The following CLEC9A variants were observed in gnomAD, a reference collection of about 807,000 sequenced individuals.
CLEC9A encodes C-type lectin domain family 9 member A.
In CLEC9A, 24 loss-of-function variants were observed where a neutral mutation model predicts 30.0. That is an observed-to-expected ratio of 0.80 (90% CI 0.58 to 1.13). CLEC9A has a LOEUF of 1.13. Among genes scored for constraint, CLEC9A ranks in the 50% most tolerant of loss-of-function variants. The pLI is 0.00. For missense variants in CLEC9A, 251 were observed against 280.9 expected (o/e 0.89, Z 0.76); for synonymous variants, 111 against 96.8 (o/e 1.15, Z -0.86).
chr12:10,050,113 G>C (rs546865418), intron 2 of CLEC9A, among the ~76,000 whole-genome samples: 2 of 152,322 alleles, frequency 1.3e-5, no homozygotes, highest in Admixed American at 1.3e-4. Context: ...GGAACAGCCA[G>C]TTGGTGGAAC....
chr12:10,043,848 T>A (rs1384719943), intron 2 of CLEC9A, among the ~76,000 whole-genome samples: 1 of 152,032 alleles, frequency 6.6e-6, no homozygotes, highest in Non-Finnish European at 1.5e-5. Context: ...CACCAGCTAA[T>A]TTTTGTATTT....
At chr12:10,048,729 C>A (rs1048713664) in intron 2 of CLEC9A, among the ~76,000 whole-genome samples, 1 of 152,214 alleles carries the variant, frequency 6.6e-6, no homozygotes, top group African/African-American at 2.4e-5. Context: ...AATTCTAGTT[C>A]TCTTGCTATT....
At chr12:10,050,800 C>A (rs866141728) in intron 2 of CLEC9A, among the ~76,000 whole-genome samples, 3 of 152,164 alleles carry the variant, frequency 2.0e-5, no homozygotes, top group African/African-American at 7.2e-5. Context: ...CTTATGATTT[C>A]TTCCTCTGTT....
intron 5 of CLEC9A, among the ~76,000 whole-genome samples, chr12:10,057,190 C>T (rs991610092): frequency 3.3e-5 from 5 of 151,950 alleles, no homozygotes; most frequent in Admixed American, 3.3e-4. Context: ...TATGTTATAG[C>T]CAGTAGGCTT....
At chr12:10,054,983 A>G (rs1865927495) in intron 5 of CLEC9A, among the ~76,000 whole-genome samples, 3 of 152,192 alleles carry the variant, frequency 2.0e-5, no homozygotes, top group Admixed American at 2.0e-4. Context: ...TCTCTATCTA[A>G]AAGACATCAG....
Position 10,052,730 on chromosome 12 carries a change from C to T in CLEC9A, c.43C>T (p.Pro15Ser), listed in dbSNP as rs1470992449. The T allele has an allele frequency of 1.2e-6, 2 of 1,613,848 alleles. No homozygotes were observed. Among genetic ancestry groups the T allele is most frequent in the African/African-American group, 2.7e-5 (2 of 74,878 alleles). Residue 15 changes from proline (P) to serine (S), a missense_variant, in exon 4 of 9, where the codon CCA (proline) becomes TCA (serine). Pro to Ser is a moderately conservative substitution (Grantham distance 74). Coordinates refer to ENST00000355819, the MANE Select transcript of CLEC9A (RefSeq NM_207345.4). ...EIYTSLQWDS[P>S]APDTYQKCLS... ...ATACACCTCTCTTCAGTGGGATAGCCCAGCACCAGACACTTACCAGAAATG... is the reference window on the plus strand; with the variant it reads ...ATACACCTCTCTTCAGTGGGATAGCTCAGCACCAGACACTTACCAGAAATG...
intron 1 of CLEC9A, among the ~76,000 whole-genome samples, chr12:10,038,769 T>C (rs1029516137): frequency 6.6e-6 from 1 of 152,242 alleles, no homozygotes; most frequent in African/African-American, 2.4e-5. Context: ...GCTCATTTCA[T>C]AAAGTTAAAT....
At chr12:10,036,655 A>T (rs1172161564) in intron 1 of CLEC9A, among the ~76,000 whole-genome samples, 1 of 152,178 alleles carries the variant, frequency 6.6e-6, no homozygotes, top group Admixed American at 6.5e-5. Context: ...TTCAATTCTT[A>T]CTGCATGTAC....
intron 4 of CLEC9A, 126 bp downstream of exon 4, chr12:10,052,904 C>G: frequency 1.0e-6 from 1 of 1,003,222 alleles, no homozygotes; most frequent in Non-Finnish European, 1.4e-6. Context: ...CTGTAATGTC[C>G]GTGAAATGCT....
chr12:10,057,521 A>G (rs145666284), intron 5 of CLEC9A, among the ~76,000 whole-genome samples: 3 of 152,088 alleles, frequency 2.0e-5, no homozygotes, highest in African/African-American at 7.2e-5. Context: ...ATTATGTCAT[A>G]TTTATATAAA....
chr12:10,056,084 A>G (rs1464025128), intron 5 of CLEC9A, among the ~76,000 whole-genome samples: 4 of 148,474 alleles, frequency 2.7e-5, no homozygotes, highest in African/African-American at 1.0e-4. Context: ...AAAAAAAAAA[A>G]GATACACTCT....
In CLEC9A at chr12:10,065,672, G is replaced by A. The variant is rs2137317519; in HGVS notation, c.*40G>A. 2 of 1,599,204 alleles carry A rather than the reference G, an allele frequency of 1.3e-6. No individual in the cohort carries two copies. The highest frequency in any genetic ancestry group is 1.7e-4 in the Middle Eastern group (1 of 6,000). ...AAAGTGTTCTATTACACTGTTATTT[G>A]GAGCATGCCATTGGAAAACCCACCC... On this transcript the variant is annotated 3_prime_UTR_variant, in exon 9 of 9. Coordinates refer to ENST00000355819, the MANE Select transcript of CLEC9A (RefSeq NM_207345.4).
At chr12:10,051,534 C>T (rs1176017238) in intron 2 of CLEC9A, among the ~76,000 whole-genome samples, 1 of 152,170 alleles carries the variant, frequency 6.6e-6, no homozygotes, top group African/African-American at 2.4e-5. Context: ...TATATACAGT[C>T]CTTTAATTAA....
intron 1 of CLEC9A, among the ~76,000 whole-genome samples, chr12:10,033,655 A>G (rs530188525): frequency 6.6e-6 from 1 of 152,358 alleles, no homozygotes; most frequent in East Asian, 1.9e-4. Flanking sequence ...CACCTTGGAA[A>G]ATATGGAAGC....
intron 1 of CLEC9A, among the ~76,000 whole-genome samples, chr12:10,033,816 G>A (rs1416856643): frequency 2.6e-5 from 4 of 151,680 alleles, no homozygotes; most frequent in African/African-American, 9.7e-5. Flanking sequence ...TTTTAAAGTG[G>A]GGCCTAAATT....
intron 1 of CLEC9A, among the ~76,000 whole-genome samples, chr12:10,034,814 C>T (rs999262417): frequency 2.0e-5 from 3 of 152,142 alleles, no homozygotes; most frequent in African/African-American, 7.2e-5. Flanking sequence ...CCCCAGTGGG[C>T]GTGTGTTACA....
Position 10,045,572 on chromosome 12 carries a change from A to C in CLEC9A, c.-163+3952A>C, listed in dbSNP as rs146167482. On this transcript the variant is annotated intron_variant, in intron 2 of 8. Transcript: ENST00000355819. ...GGCACTCTACCTTCTGTGAGAACAA[A>C]CATTATTTAATGTGTGAGAGGAAAG... 2,600 of 283,002 alleles carry C rather than the reference A, an allele frequency of 9.2e-3. 170 individuals are homozygous for C. The highest frequency in any genetic ancestry group is 0.085 in the Admixed American group (2,432 of 28,570). 17.5% of individuals were successfully genotyped at this position (283,002 alleles called of 1,614,324 possible). A position where few individuals can be genotyped will look rare whatever the true frequency, so the allele number is the denominator to read the frequency against.
chr12:10,046,951 T>C (rs932113676), intron 2 of CLEC9A, among the ~76,000 whole-genome samples: 1 of 152,206 alleles, frequency 6.6e-6, no homozygotes, highest in African/African-American at 2.4e-5. Flanking sequence ...GTAAACCTCA[T>C]TTAATATGAC....
chr12:10,032,146 C>A (rs538708511), intron 1 of CLEC9A, among the ~76,000 whole-genome samples: 1 of 152,152 alleles, frequency 6.6e-6, no homozygotes, highest in African/African-American at 2.4e-5. Flanking sequence ...ATTCATTCAC[C>A]GCTGGTGAGA....
Sources: allele counts gnomAD v4.1 joint callset (sites outside exome capture counted in the v4.1 genomes callset), GRCh38; gene constraint gnomAD v4.1.1; transcripts MANE v1.5; gene names NCBI Gene and HGNC (gene_info 2026-07-23, HGNC 2026-07-21).